FMN2: variants seen among roughly 807,000 people sequenced by gnomAD.
The protein encoded by FMN2 is formin-2.
In FMN2, 51 loss-of-function variants were observed where a neutral mutation model predicts 142.3. That is an observed-to-expected ratio of 0.36 (90% CI 0.29 to 0.45). The LOEUF is 0.45. FMN2 is among the 20% of genes least tolerant of loss of function. The pLI is 1.00. For synonymous variants in FMN2, 882 were observed against 869.8 expected (o/e 1.01, Z -0.25); for missense variants, 1,936 against 2,122.8 (o/e 0.91, Z 1.73).
intron 14 of FMN2, among the ~76,000 whole-genome samples, chr1:240,386,278 A>G (rs1235542736): frequency 6.6e-6 from 1 of 152,220 alleles, no homozygotes; most frequent in African/African-American, 2.4e-5. Context: ...TGTCTAAAAA[A>G]TATCCCATAC....
intron 16 of FMN2, among the ~76,000 whole-genome samples, chr1:240,439,279 A>AAAAAAAAAAAAAAG (rs555074808): frequency 3.2e-5 from 4 of 124,718 alleles, no homozygotes; most frequent in African/African-American, 1.3e-4. Context: ...TCAAAAAAAA[A>AAAAAAAAAAAAAAG]AAAGAAAGAA....
In FMN2 at chr1:240,238,855, A is replaced by T. The variant is rs530065916; in HGVS notation, c.4066-19090A>T. Among the ~76,000 whole-genome samples the T allele has an allele frequency of 5.9e-5, 9 of 152,336 alleles. No homozygotes were observed. The South Asian group carries it at 1.9e-3, about 32-fold the overall frequency. ...ATAGCAATCTGTTATACTCAACAACAATATGGATTTTACAGGCAAAAGCCA... is the reference window on the plus strand; with the variant it reads ...ATAGCAATCTGTTATACTCAACAACTATATGGATTTTACAGGCAAAAGCCA... On this transcript the variant is annotated intron_variant, in intron 6 of 17. Coordinates refer to ENST00000319653, the MANE Select transcript of FMN2 (RefSeq NM_020066.5).
chr1:240,392,838 A>G (rs1351443728), intron 15 of FMN2, among the ~76,000 whole-genome samples: 1 of 152,224 alleles, frequency 6.6e-6, no homozygotes, highest in Non-Finnish European at 1.5e-5. Context: ...CAAAAGAAGG[A>G]AGATAGCAAG....
chr1:240,361,151 ATATATATATATATATAT>A (rs1672460830), intron 14 of FMN2, among the ~76,000 whole-genome samples: 11 of 23,608 alleles, frequency 4.7e-4, no homozygotes, highest in Non-Finnish European at 7.1e-4. Context: ...GTATATATAT[ATATATATATATATATAT>A]ATATATATAT....
rs112794535 is a variant in FMN2, at chr1:240,113,436, C to T, written c.1616-9743C>T. 6.8e-3 allele frequency among the ~76,000 whole-genome samples: 1,035 copies of T among 151,820 alleles called. 3 individuals are homozygous for T. Among genetic ancestry groups the T allele is most frequent in the South Asian group, 0.031 (150 of 4,788 alleles). On this transcript the variant is annotated intron_variant, in intron 1 of 17. Transcript: ENST00000319653. ...AAAATTGGCCAGGCATAGTGGCACA[C>T]GCCTATGGTCCCAGCTACTCGGGAG...
At chr1:240,099,990 C>G (rs1661360310) in intron 1 of FMN2, among the ~76,000 whole-genome samples, 1 of 152,142 alleles carries the variant, frequency 6.6e-6, no homozygotes, top group African/African-American at 2.4e-5. Context: ...ACCGACTGTA[C>G]TGAGGTCTTG....
At chr1:240,123,071 G>A (rs1571951259) in intron 1 of FMN2, 108 bp from the exon 2 acceptor site, 1 of 1,237,126 alleles carries the variant, frequency 8.1e-7, no homozygotes, top group East Asian at 2.4e-5. Context: ...CAGTAGCCTT[G>A]GAAACGGTGT....
intron 3 of FMN2, among the ~76,000 whole-genome samples, chr1:240,180,586 T>TTTTTTA (rs1572027533): frequency 1.3e-5 from 2 of 149,636 alleles, no homozygotes; most frequent in African/African-American, 2.5e-5. Context: ...TTTTTTTTTT[T>TTTTTTA]AATGGATTCT....
intron 13 of FMN2, among the ~76,000 whole-genome samples, chr1:240,349,646 G>A (rs971746371): frequency 6.6e-6 from 1 of 152,200 alleles, no homozygotes; most frequent in African/African-American, 2.4e-5. Context: ...CCATTGTCTG[G>A]TGGGAATGTC....
At chr1:240,297,404 G>A (rs1658095008) in intron 8 of FMN2, among the ~76,000 whole-genome samples, 1 of 151,884 alleles carries the variant, frequency 6.6e-6, no homozygotes. Context: ...GAACAGCCTG[G>A]CCAACATGGT....
At chr1:240,287,839 C>A (rs1414606900) in intron 7 of FMN2, among the ~76,000 whole-genome samples, 2 of 152,112 alleles carry the variant, frequency 1.3e-5, no homozygotes, top group African/African-American at 4.8e-5. Context: ...CTTATTAGGT[C>A]CATTCTGCAG....
rs145921089 is a variant in FMN2 at position 240,352,795 on chromosome 1, G to A, written c.4766-3021G>A. On this transcript the variant is annotated intron_variant, in intron 13 of 17. Coordinates refer to ENST00000319653, the MANE Select transcript of FMN2 (RefSeq NM_020066.5). ...CATGATTTAAGTATATCCTTAATAT[G>A]CATCTGGAAACATTGTTAAAGAGCA... 3.9e-5 allele frequency among the ~76,000 whole-genome samples: 6 copies of A among 152,264 alleles called. No homozygotes were observed. In the East Asian group the frequency reaches 7.7e-4, roughly 20 times the overall value.
intron 16 of FMN2, among the ~76,000 whole-genome samples, chr1:240,444,852 A>G (rs887437917): frequency 2.6e-5 from 4 of 152,232 alleles, no homozygotes; most frequent in African/African-American, 9.6e-5. Context: ...TTTTCAAAGA[A>G]ATTGAAAATA....
At chr1:240,471,580 GT>G (rs2103248715) in intron 16 of FMN2, 1 of 152,442 alleles carries the variant, frequency 6.6e-6, no homozygotes, top group South Asian at 2.1e-4. Context: ...ATTTCACCGT[GT>G]TAGCCAGGAT....
At chr1:240,098,097 A>ATTTTTTTTTTTTTTTTT (rs35191164) in intron 1 of FMN2, among the ~76,000 whole-genome samples, 2,316 of 98,210 alleles carry the variant, frequency 0.024, 128 homozygotes, top group East Asian at 0.044. Context: ...GTTATCTTGA[A>ATTTTTTTTTTTTTTTTT]TTTTTTTTTT....
In FMN2 at chr1:240,208,581, C is replaced by G. The variant is rs1397991663; in HGVS notation, c.3769C>G (p.Pro1257Ala). The change falls in exon 5 of 18, where the codon CCA becomes GCA. Residue 1257 changes from proline to alanine, a missense_variant. Coordinates refer to ENST00000319653, the MANE Select transcript of FMN2 (RefSeq NM_020066.5). ...AGTTGGGAGTAGCACTTTACCAACCCCACAGGTGTGTGGATTTCTTCCTCC... is the reference window on the plus strand; with the variant it reads ...AGTTGGGAGTAGCACTTTACCAACCGCACAGGTGTGTGGATTTCTTCCTCC... Reference protein sequence around the residue: ...PQVGSSTLPTPQVCGFLPPPL... With the variant: ...PQVGSSTLPTAQVCGFLPPPL... 6.2e-7 allele frequency: 1 copy of G among 1,613,778 alleles called. No homozygotes were observed. The highest frequency in any genetic ancestry group is 2.2e-5 in the East Asian group (1 of 44,754).
At chr1:240,169,757 G>A (rs769188843) in intron 2 of FMN2, among the ~76,000 whole-genome samples, 7 of 152,132 alleles carry the variant, frequency 4.6e-5, no homozygotes, top group Non-Finnish European at 8.8e-5. Context: ...TTATAGGCGT[G>A]AGCCACCAGC....
At chr1:240,437,450 C>T (rs552600069) in intron 15 of FMN2, among the ~76,000 whole-genome samples, 1 of 152,008 alleles carries the variant, frequency 6.6e-6, no homozygotes, top group Non-Finnish European at 1.5e-5. Flanking sequence ...TGCCCACCAC[C>T]ATGCCCGGCT....
At chr1:240,190,420 T>G (rs1013218995) in intron 4 of FMN2, among the ~76,000 whole-genome samples, 1 of 152,212 alleles carries the variant, frequency 6.6e-6, no homozygotes, top group African/African-American at 2.4e-5. Flanking sequence ...ATGGATATGT[T>G]TCATGACAGG....
Sources: allele counts gnomAD v4.1 joint callset (sites outside exome capture counted in the v4.1 genomes callset), GRCh38; gene constraint gnomAD v4.1.1; transcripts MANE v1.5; gene names NCBI Gene and HGNC (gene_info 2026-07-23, HGNC 2026-07-21).